The following PDZRN4 variants were observed in gnomAD, a reference collection of about 807,000 sequenced individuals.
The protein encoded by PDZRN4 is PDZ domain containing ring finger 4.
Under a neutral mutation model 99.0 loss-of-function variants are expected in PDZRN4, and 70 were observed. That is an observed-to-expected ratio of 0.71 (90% confidence interval 0.58 to 0.86). The LOEUF (loss-of-function observed/expected upper bound fraction) is 0.86. Ranked by LOEUF, PDZRN4 falls within the 40% of genes least tolerant of loss-of-function variation. The pLI, the probability that PDZRN4 is intolerant of heterozygous loss-of-function variation, is 0.00. For synonymous variants in PDZRN4, 551 were observed against 501.6 expected, an observed-to-expected ratio of 1.10 and a Z score of -1.32; for missense variants, 1,474 against 1,331.2, an observed-to-expected ratio of 1.11 and a Z score of -1.67.
At chr12:41,553,236 C>A (rs904844306) in intron 6 of PDZRN4, among the ~76,000 whole-genome samples, 7 of 152,286 alleles carry the variant, frequency 4.6e-5, no homozygotes, top group African/African-American at 1.7e-4. Flanking sequence ...TTATTCAACC[C>A]CGCAAGTGAG....
At chr12:41,368,988 C>G (rs1304168104) in intron 3 of PDZRN4, among the ~76,000 whole-genome samples, 2 of 152,084 alleles carry the variant, frequency 1.3e-5, no homozygotes, top group Non-Finnish European at 2.9e-5. Flanking sequence ...TCCATTTTCA[C>G]TTTAAATAAA....
chr12:41,493,841 G>A (rs936351732), intron 3 of PDZRN4, among the ~76,000 whole-genome samples: 1 of 149,146 alleles, frequency 6.7e-6, no homozygotes, highest in Non-Finnish European at 1.5e-5. Context: ...TGGAAAATTG[G>A]CAGGCACTAA....
intron 3 of PDZRN4, among the ~76,000 whole-genome samples, chr12:41,319,627 C>T (rs1382172049): frequency 6.6e-6 from 1 of 152,156 alleles, no homozygotes; most frequent in Non-Finnish European, 1.5e-5. Context: ...CACAGGCCCT[C>T]TCATGAATAA....
chr12:41,573,903 A>T lies in PDZRN4; in HGVS notation c.*13A>T, dbSNP rs1939532056. ...GACCACTGTATGACCGAATGAATGGAATGCATGCGACTGATTTTAGGAGGA... is the reference window on the plus strand; with the variant it reads ...GACCACTGTATGACCGAATGAATGGTATGCATGCGACTGATTTTAGGAGGA... On this transcript the variant is annotated 3_prime_UTR_variant, in exon 10 of 10. Coordinates refer to ENST00000402685, the MANE Select transcript of PDZRN4 (RefSeq NM_001164595.2). 11 of 1,513,034 alleles carry T rather than the reference A, an allele frequency of 7.3e-6. No individual in the cohort carries two copies. Among genetic ancestry groups the T allele is most frequent in the Non-Finnish European group, 9.7e-6 (11 of 1,128,466 alleles). 93.7% of individuals were successfully genotyped at this position (1,513,034 alleles called of 1,614,324 possible).
At chr12:41,514,063 C>T (rs60924244) in intron 5 of PDZRN4, among the ~76,000 whole-genome samples, 6,796 of 152,016 alleles carry the variant, frequency 0.045, 510 homozygotes, top group African/African-American at 0.16. Context: ...ACCCTTTATG[C>T]GTCCAATATC....
rs377085025 is a variant in PDZRN4, at chr12:41,447,217, G to C, written c.844-59239G>C. 1.2e-3 allele frequency among the ~76,000 whole-genome samples: 183 copies of C among 152,232 alleles called. 5 individuals carry two copies. In the South Asian group the frequency reaches 0.037, roughly 30 times the overall value. Reference sequence around the variant, plus strand: ...ACGCTAACTTGACCTACAATAGGTAGATTTTGCCATTTGCTCAAGTATGCC... The same window carrying C: ...ACGCTAACTTGACCTACAATAGGTACATTTTGCCATTTGCTCAAGTATGCC... On this transcript the variant is annotated intron_variant, in intron 3 of 9. Coordinates refer to ENST00000402685, the MANE Select transcript of PDZRN4 (RefSeq NM_001164595.2).
intron 3 of PDZRN4, among the ~76,000 whole-genome samples, chr12:41,343,788 A>G (rs926848085): frequency 1.3e-5 from 2 of 151,988 alleles, no homozygotes; most frequent in Admixed American, 1.3e-4. Context: ...GAGTATGTTA[A>G]GTACCCTGAT....
intron 3 of PDZRN4, among the ~76,000 whole-genome samples, chr12:41,300,650 A>G (rs1445041147): frequency 1.3e-5 from 2 of 151,994 alleles, no homozygotes; most frequent in Non-Finnish European, 1.5e-5. Context: ...TTAAGGAAAT[A>G]AAAACCTCAA....
At chr12:41,252,762 CTT>C (rs1373193459) in intron 3 of PDZRN4, among the ~76,000 whole-genome samples, 1 of 151,930 alleles carries the variant, frequency 6.6e-6, no homozygotes, top group Non-Finnish European at 1.5e-5. Context: ...GCAAAACAGT[CTT>C]AACAGAAAGC....
chr12:41,288,452 A>G (rs1951434971), intron 3 of PDZRN4, among the ~76,000 whole-genome samples: 1 of 152,120 alleles, frequency 6.6e-6, no homozygotes, highest in Non-Finnish European at 1.5e-5. Flanking sequence ...CAATATTGTG[A>G]TGCCTCCTGT....
intron 3 of PDZRN4, among the ~76,000 whole-genome samples, chr12:41,334,427 T>C: frequency 6.6e-6 from 1 of 151,136 alleles, no homozygotes; most frequent in South Asian, 2.1e-4. Context: ...GCCAAATTGA[T>C]GACTGTTGTT....
At chr12:41,189,620 T>A (rs2120625485) in intron 1 of PDZRN4, among the ~76,000 whole-genome samples, 1 of 152,292 alleles carries the variant, frequency 6.6e-6, no homozygotes, top group Middle Eastern at 3.4e-3. Context: ...ACTGCCTGAA[T>A]CAACTGCCTT....
At chr12:41,383,846 T>C (rs1180059187) in intron 3 of PDZRN4, among the ~76,000 whole-genome samples, 6 of 152,114 alleles carry the variant, frequency 3.9e-5, no homozygotes, top group African/African-American at 1.4e-4. Context: ...AACCTTTTCA[T>C]GGAATAGAGT....
intron 3 of PDZRN4, among the ~76,000 whole-genome samples, chr12:41,492,706 C>T (rs1000401716): frequency 6.6e-6 from 1 of 152,092 alleles, no homozygotes; most frequent in Non-Finnish European, 1.5e-5. Context: ...AAAAATCAGA[C>T]TTCATTTTGC....
At chr12:41,270,311 G>GTGT (rs1337960633) in intron 3 of PDZRN4, among the ~76,000 whole-genome samples, 1 of 144,996 alleles carries the variant, frequency 6.9e-6, no homozygotes, top group African/African-American at 2.7e-5. Flanking sequence ...CTGTGTGTGT[G>GTGT]GTGTGTGTGT....
At chr12:41,190,753 C>A (rs2120630272) in intron 1 of PDZRN4, among the ~76,000 whole-genome samples, 1 of 152,334 alleles carries the variant, frequency 6.6e-6, no homozygotes, top group East Asian at 1.9e-4. Context: ...AATAAACCCA[C>A]CTAGTCCAGC....
chr12:41,299,104 C>T (rs949906639), intron 3 of PDZRN4, among the ~76,000 whole-genome samples: 2 of 152,010 alleles, frequency 1.3e-5, no homozygotes, highest in Non-Finnish European at 2.9e-5. Flanking sequence ...AGGCAGTGAG[C>T]CTAGGTTCTT....
chr12:41,417,886 A>G (rs1952457284), intron 3 of PDZRN4, among the ~76,000 whole-genome samples: 1 of 152,176 alleles, frequency 6.6e-6, no homozygotes, highest in African/African-American at 2.4e-5. Flanking sequence ...ACACTTTCAT[A>G]TATATATAGA....
At chr12:41,400,645 A>G (rs1298182666) in intron 3 of PDZRN4, among the ~76,000 whole-genome samples, 2 of 152,124 alleles carry the variant, frequency 1.3e-5, no homozygotes, top group Non-Finnish European at 2.9e-5. Context: ...GGATGTAGTC[A>G]GGGGAAGACA....
Sources: gnomAD v4.1 joint callset for allele counts (sites outside exome capture counted in the v4.1 genomes callset) on GRCh38, gnomAD v4.1.1 for gene constraint, MANE v1.5 for transcripts, NCBI Gene and HGNC (gene_info 2026-07-23, HGNC 2026-07-21) for gene names.